The following SEC61A2 variants were observed in gnomAD, a reference collection of about 807,000 sequenced individuals.
SEC61A2 encodes the protein protein transport protein Sec61 subunit alpha isoform 2.
SEC61A2 carries 28 observed loss-of-function variants against 59.9 expected under a neutral mutation model. That is an observed-to-expected ratio of 0.47 (90% CI 0.35 to 0.64). SEC61A2 has a LOEUF of 0.64. SEC61A2 is among the 30% of genes least tolerant of loss of function. SEC61A2 has a pLI of 0.01. For missense variants in SEC61A2, 340 were observed against 585.9 expected, an observed-to-expected ratio of 0.58 and a Z score of 4.33; for synonymous variants, 202 against 214.4, an observed-to-expected ratio of 0.94 and a Z score of 0.50.
chr10:12,134,697 C>T (rs1311792550), intron 2 of SEC61A2, among the ~76,000 whole-genome samples: 1 of 152,124 alleles, frequency 6.6e-6, no homozygotes, highest in Admixed American at 6.6e-5. Context: ...GAGGCTGAGG[C>T]AGGTGCTCAA....
In SEC61A2 at chr10:12,143,046, G is replaced by C; in HGVS notation, c.142-71G>C. The C allele has an allele frequency of 8.4e-7, 1 of 1,193,714 alleles. No individual in the cohort carries two copies. Among genetic ancestry groups the C allele is most frequent in the East Asian group, 2.3e-5 (1 of 42,618 alleles). 73.9% of individuals were successfully genotyped at this position (1,193,714 alleles called of 1,614,324 possible). A position where few individuals can be genotyped will look rare whatever the true frequency, so the allele number is the denominator to read the frequency against. On this transcript the variant is annotated intron_variant, in intron 3 of 11. Transcript: ENST00000298428. This position sits in a 1 kb window ranked among gnomAD's most constrained non-coding sequence, Gnocchi z 4.8. Reference sequence around the variant, plus strand: ...CAGCTCACTGCAGCCTTTGCCTCCTGGGTTCAAGCGATTCTTATGCCTCAG... The same window carrying C: ...CAGCTCACTGCAGCCTTTGCCTCCTCGGTTCAAGCGATTCTTATGCCTCAG...
chr10:12,133,347 G>T, intron 2 of SEC61A2, 39 bp downstream of exon 2: 1 of 1,053,156 alleles, frequency 9.5e-7, no homozygotes, highest in South Asian at 1.4e-5. Flanking sequence ...GGTAGCTCAA[G>T]GGCTTGTTCT....
chr10:12,165,341 C>T lies in SEC61A2; in HGVS notation c.*887C>T. 1 of 981,494 alleles carries T rather than the reference C, an allele frequency of 1.0e-6. No individual in the cohort carries two copies. The highest frequency in any genetic ancestry group is 4.7e-5 in the South Asian group (1 of 21,204). 60.8% of individuals were successfully genotyped at this position (981,494 alleles called of 1,614,324 possible). A position where few individuals can be genotyped will look rare whatever the true frequency, so the allele number is the denominator to read the frequency against. ...CAGCAACATGAGTGTAAACAGTAGA[C>T]AATAAACTTTTATTTAAGAAAACTG... On this transcript the variant is annotated 3_prime_UTR_variant, in exon 12 of 12. Transcript: ENST00000298428.
At chr10:12,146,742 TC>T (rs1834147892) in intron 4 of SEC61A2, among the ~76,000 whole-genome samples, 1 of 151,962 alleles carries the variant, frequency 6.6e-6, no homozygotes, top group Admixed American at 6.6e-5. Flanking sequence ...ATGGTCTTGA[TC>T]TCCTGACCTT....
Position 12,161,161 on chromosome 10 carries a change from T to TAGATCGGAA in SEC61A2, c.1167+40_1167+41insAGATCGGAA. The TAGATCGGAA allele has an allele frequency of 6.7e-7, 1 of 1,493,850 alleles. No homozygotes were observed. The highest frequency in any genetic ancestry group is 9.2e-7 in the Non-Finnish European group (1 of 1,091,408). 92.5% of individuals were successfully genotyped at this position (1,493,850 alleles called of 1,614,324 possible). ...TATTTTAAAATAAAACTCTTGGCAA[T>TAGATCGGAA]GCATGGTGGCGCACATCTGTAATCG... On this transcript the variant is annotated intron_variant, in intron 10 of 11. Transcript: ENST00000298428. The surrounding 1 kb of genome is among the most constrained non-coding windows in gnomAD (Gnocchi z 5.4).
rs1011893139 is a variant in SEC61A2, at chr10:12,143,594, G to A, written c.220+399G>A. Among the ~76,000 whole-genome samples the A allele has an allele frequency of 1.3e-5, 2 of 152,128 alleles. No homozygotes were observed. The highest frequency in any genetic ancestry group is 4.8e-5 in the African/African-American group (2 of 41,416). On this transcript the variant is annotated intron_variant, in intron 4 of 11. Coordinates refer to ENST00000298428, the MANE Select transcript of SEC61A2 (RefSeq NM_018144.4). This position sits in a 1 kb window ranked among gnomAD's most constrained non-coding sequence, Gnocchi z 4.8. ...TACTAAAAATAGAAAAATTAGCCAG[G>A]TGTGGGTATGCACCTGTAATCCCAG...
chr10:12,148,147 G>A (rs1458081387), intron 4 of SEC61A2, among the ~76,000 whole-genome samples: 1 of 151,374 alleles, frequency 6.6e-6, no homozygotes, highest in East Asian at 1.9e-4. Context: ...CACCATATTG[G>A]CCAGGCTGGT....
At position 12,157,234 on chromosome 10, in the gene SEC61A2, T is replaced by C. The variant is rs928119331; in HGVS notation, c.777+167T>C. ...ACTCTGATTTTAAGGTGTGAAATAT[T>C]GGAGTCTCTGTACTTTTTTTGTTTT... On this transcript the variant is annotated intron_variant, in intron 8 of 11. Coordinates refer to ENST00000298428, the MANE Select transcript of SEC61A2 (RefSeq NM_018144.4). 2.6e-5 allele frequency: 17 copies of C among 664,078 alleles called. No homozygotes were observed. The African/African-American group carries it at 3.1e-4, about 12-fold the overall frequency. The allele number at this position is 664,078 out of a possible 1,614,324, so 41.1% of individuals were successfully genotyped here.
intron 1 of SEC61A2, chr10:12,130,956 C>G (rs527327231): frequency 2.0e-5 from 3 of 152,224 alleles, no homozygotes; most frequent in Non-Finnish European, 2.9e-5. Flanking sequence ...GCGGATCACC[C>G]GAGGTCAGGT....
intron 3 of SEC61A2, among the ~76,000 whole-genome samples, chr10:12,140,742 C>T (rs764005787): frequency 3.3e-5 from 5 of 151,954 alleles, no homozygotes; most frequent in South Asian, 2.1e-4. Context: ...ACTACAGGCA[C>T]GTGCCACCAC....
At position 12,157,049 on chromosome 10, in the gene SEC61A2, T is replaced by A. The variant is rs368754624; in HGVS notation, c.759T>A (p.Ala253=). ...MNLIATVFVF[A]VVIYFQGFRV... is the part of the protein sequence containing the mutation. ...TCATTGCTACAGTTTTTGTGTTTGC[T>A]GTTGTTATATATTTCCAAGTAAGTA... Residue 253 remains alanine, a synonymous_variant, in exon 8 of 12, where the codon GCT becomes GCA. Coordinates refer to ENST00000298428, the MANE Select transcript of SEC61A2 (RefSeq NM_018144.4). 5 of 1,614,030 alleles carry A rather than the reference T, an allele frequency of 3.1e-6. No homozygotes were observed. The highest frequency in any genetic ancestry group is 4.2e-6 in the Non-Finnish European group (5 of 1,179,986).
At chr10:12,163,861 G>A (rs893884803) in intron 11 of SEC61A2, among the ~76,000 whole-genome samples, 14 of 151,908 alleles carry the variant, frequency 9.2e-5, no homozygotes, top group Non-Finnish European at 1.6e-4. Context: ...ATTCTAATGT[G>A]CAGCCAAAGG....
rs1834053506 is a variant in SEC61A2 at position 12,142,911 on chromosome 10, A to C, written c.142-206A>C. 6.6e-6 allele frequency among the ~76,000 whole-genome samples: 1 copy of C among 151,958 alleles called. No homozygotes were observed. The highest frequency in any genetic ancestry group is 2.4e-5 in the African/African-American group (1 of 41,392). On this transcript the variant is annotated intron_variant, in intron 3 of 11. Transcript: ENST00000298428. This position sits in a 1 kb window ranked among gnomAD's most constrained non-coding sequence, Gnocchi z 5.4. The stretch of plus-strand genomic sequence containing the variant: ...AGAACATAAGAATAGTTTTTAAAAA[A>C]GTATTGCAAGCAGTAAGTGAATACC...
chr10:12,150,003 T>C, intron 6 of SEC61A2, 42 bp downstream of exon 6: 1 of 1,326,620 alleles, frequency 7.5e-7, no homozygotes, highest in Non-Finnish European at 1.1e-6. Flanking sequence ...ACAAAACAGT[T>C]TGATTCCTTT....
chr10:12,134,884 G>A (rs1209823874), intron 2 of SEC61A2, among the ~76,000 whole-genome samples: 2 of 151,132 alleles, frequency 1.3e-5, no homozygotes, highest in South Asian at 2.1e-4. Context: ...GCGCCACTGC[G>A]CTGCAGCCTG....
Position 12,149,098 on chromosome 10 carries a change from G to A in SEC61A2, c.221-497G>A, listed in dbSNP as rs996923289. On this transcript the variant is annotated intron_variant, in intron 4 of 11. Coordinates refer to ENST00000298428, the MANE Select transcript of SEC61A2 (RefSeq NM_018144.4). The surrounding 1 kb of genome is among the most constrained non-coding windows in gnomAD (Gnocchi z 5.2). ...TCTCCCTATAAATTCTTTTTTTTTG[G>A]TTTGTTTTTGAGATGGAGTCTCACT... Among the ~76,000 whole-genome samples, 3 of 150,938 alleles carry A rather than the reference G, an allele frequency of 2.0e-5. No individual in the cohort carries two copies. Among genetic ancestry groups the A allele is most frequent in the Non-Finnish European group, 4.4e-5 (3 of 67,730 alleles).
chr10:12,134,782 G>A (rs544010607), intron 2 of SEC61A2, among the ~76,000 whole-genome samples: 1 of 152,074 alleles, frequency 6.6e-6, no homozygotes, highest in Non-Finnish European at 1.5e-5. Flanking sequence ...GCTGGGCGTG[G>A]TGGCGTGCGC....
downstream of SEC61A2, chr10:12,169,126 A>G (rs1167103587): frequency 1.1e-5 from 6 of 566,292 alleles, no homozygotes; most frequent in African/African-American, 9.6e-5. The surrounding 1 kb of genome is among the most constrained non-coding windows in gnomAD (Gnocchi z 4.8). Context: ...GGTTGAATAA[A>G]CGGTTTGATT....
downstream of SEC61A2, chr10:12,166,552 G>A (rs1834701523): frequency 3.1e-6 from 1 of 320,916 alleles, no homozygotes; most frequent in African/African-American, 2.2e-5. Flanking sequence ...GTGGACAAAC[G>A]GAGGCTACTG....
Sources: gnomAD v4.1 joint callset for allele counts (sites outside exome capture counted in the v4.1 genomes callset) on GRCh38, gnomAD v4.1.1 for gene constraint, Gnocchi (gnomAD v3.1) non-coding constraint, MANE v1.5 for transcripts, NCBI Gene and HGNC (gene_info 2026-07-23, HGNC 2026-07-21) for gene names.